The following CD38 variants were observed in gnomAD, a reference collection of about 807,000 sequenced individuals.
CD38 encodes ADP-ribosyl cyclase/cyclic ADP-ribose hydrolase 1.
Under a neutral mutation model 36.3 loss-of-function variants are expected in CD38, and 31 were observed. The ratio of observed to expected loss-of-function variants is 0.85; its 90% CI spans 0.64 to 1.15. The LOEUF (loss-of-function observed/expected upper bound fraction) is 1.15. Among genes scored for constraint, CD38 ranks in the 50% most tolerant of loss-of-function variants. CD38 has a pLI of 0.00. For synonymous variants in CD38, 131 were observed against 135.2 expected (o/e 0.97, Z 0.22); for missense variants, 380 against 371.9 (o/e 1.02, Z -0.18).
chr4:15,822,725 G>A (rs2148923922), intron 2 of CD38, among the ~76,000 whole-genome samples: 1 of 152,288 alleles, frequency 6.6e-6, no homozygotes, highest in East Asian at 1.9e-4. Flanking sequence ...TCATGGATAG[G>A]AAGAATCAAT....
intron 1 of CD38, among the ~76,000 whole-genome samples, chr4:15,811,448 A>G (rs755962386): frequency 1.5e-4 from 23 of 151,948 alleles, no homozygotes; most frequent in Non-Finnish European, 3.2e-4. Flanking sequence ...ATTTTTGTAT[A>G]TGGTGTAAAG....
At chr4:15,848,459 A>AC (rs1452287403) in intron 7 of CD38, 80 bp from the exon 8 acceptor site, 9 of 1,003,466 alleles carry the variant, frequency 9.0e-6, no homozygotes, top group Non-Finnish European at 1.3e-5. Flanking sequence ...TCGCTAAAAA[A>AC]GGGGCTTCCT....
chr4:15,806,344 G>A (rs2148919734), intron 1 of CD38, among the ~76,000 whole-genome samples: 1 of 152,244 alleles, frequency 6.6e-6, no homozygotes, highest in East Asian at 1.9e-4. Context: ...CTGTGGGTAG[G>A]GCCATGGTTG....
chr4:15,812,686 C>T (rs112745376), intron 1 of CD38, among the ~76,000 whole-genome samples: 6,236 of 152,142 alleles, frequency 0.041, 310 homozygotes, highest in African/African-American at 0.12. Flanking sequence ...GGCAACAGGG[C>T]GAGATTCTGT....
At chr4:15,828,076 G>A (rs1723886672) in intron 3 of CD38, among the ~76,000 whole-genome samples, 1 of 152,150 alleles carries the variant, frequency 6.6e-6, no homozygotes, top group Non-Finnish European at 1.5e-5. Context: ...GTGCAGTGGT[G>A]CAATCACAAT....
intron 1 of CD38, among the ~76,000 whole-genome samples, chr4:15,815,363 T>C (rs1723573612): frequency 2.0e-5 from 3 of 152,246 alleles, no homozygotes; most frequent in Admixed American, 1.3e-4. Flanking sequence ...TTGGGCAATA[T>C]GGCCATTTTC....
At chr4:15,780,638 C>T (rs1407396092) in intron 1 of CD38, among the ~76,000 whole-genome samples, 1 of 151,836 alleles carries the variant, frequency 6.6e-6, no homozygotes, top group Non-Finnish European at 1.5e-5. Flanking sequence ...ACTCTGGACT[C>T]GATCATTGCC....
At chr4:15,790,427 C>G (rs1337256690) in intron 1 of CD38, among the ~76,000 whole-genome samples, 6 of 152,116 alleles carry the variant, frequency 3.9e-5, no homozygotes, top group Admixed American at 6.5e-5. Context: ...ATCCGCCGGC[C>G]TCGGCCTCCC....
rs1724363796 is a variant in CD38, at chr4:15,850,639, A to G, written c.*2037A>G. On this transcript the variant is annotated 3_prime_UTR_variant, in exon 8 of 8. Transcript: ENST00000226279. Reference sequence around the variant, plus strand: ...TTCTTCCTCCCCTGCTTGACAATCCAGTTTCCCACAGGAGCCTTTGTAGCT... The same window carrying G: ...TTCTTCCTCCCCTGCTTGACAATCCGGTTTCCCACAGGAGCCTTTGTAGCT... 6.6e-6 allele frequency: 1 copy of G among 152,232 alleles called. No individual in the cohort carries two copies. The highest frequency in any genetic ancestry group is 6.5e-5 in the Admixed American group (1 of 15,268). The allele number at this position is 152,232 out of a possible 1,614,324, so 9.4% of individuals were successfully genotyped here. A position where few individuals can be genotyped will look rare whatever the true frequency, so the allele number is the denominator to read the frequency against.
At chr4:15,812,089 T>G (rs948176601) in intron 1 of CD38, among the ~76,000 whole-genome samples, 17 of 152,320 alleles carry the variant, frequency 1.1e-4, no homozygotes, top group African/African-American at 4.1e-4. Flanking sequence ...ACTTTTTGAC[T>G]TTGTGCCTGT....
chr4:15,831,649 G>T (rs1723961042), intron 3 of CD38, among the ~76,000 whole-genome samples: 1 of 151,974 alleles, frequency 6.6e-6, no homozygotes, highest in Admixed American at 6.6e-5. Context: ...AAAGTCTGCT[G>T]CCAGATGTAC....
chr4:15,786,438 G>A (rs1451668746), intron 1 of CD38, among the ~76,000 whole-genome samples: 1 of 152,168 alleles, frequency 6.6e-6, no homozygotes, highest in African/African-American at 2.4e-5. Flanking sequence ...GCTGATTGGT[G>A]TATTTACAAT....
chr4:15,817,440 C>A (rs757122550), intron 2 of CD38, among the ~76,000 whole-genome samples: 6 of 152,242 alleles, frequency 3.9e-5, no homozygotes, highest in Non-Finnish European at 8.8e-5. Context: ...CTTCTCCATT[C>A]ACTAGGCGTG....
rs1013005456 is a variant in CD38, at chr4:15,849,743, G to A, written c.*1141G>A. 6.6e-6 allele frequency: 1 copy of A among 152,048 alleles called. No individual in the cohort carries two copies. The highest frequency in any genetic ancestry group is 2.4e-5 in the African/African-American group (1 of 41,388). The allele number at this position is 152,048 out of a possible 1,614,324, so 9.4% of individuals were successfully genotyped here. On this transcript the variant is annotated 3_prime_UTR_variant, in exon 8 of 8. Coordinates refer to ENST00000226279, the MANE Select transcript of CD38 (RefSeq NM_001775.4). ...GGTTTTGCTCTTCTCTTTAGCATTG[G>A]AAACATAGAAATGCTTTCTGATTTC...
At chr4:15,787,044 C>A (rs1158076779) in intron 1 of CD38, among the ~76,000 whole-genome samples, 1 of 152,218 alleles carries the variant, frequency 6.6e-6, no homozygotes, top group East Asian at 1.9e-4. Flanking sequence ...GCCTGGGGAG[C>A]CCACGCCCAC....
At chr4:15,810,751 C>G (rs2148920803) in intron 1 of CD38, among the ~76,000 whole-genome samples, 1 of 152,362 alleles carries the variant, frequency 6.6e-6, no homozygotes, top group Middle Eastern at 3.4e-3. Context: ...CTGTTGAACT[C>G]TTCACATTTT....
intron 1 of CD38, among the ~76,000 whole-genome samples, chr4:15,814,408 G>A (rs6449200): frequency 0.18 from 28,097 of 152,038 alleles, 3,526 homozygotes; most frequent in African/African-American, 0.36. Context: ...CACTCTGATG[G>A]TAGTTTCTTT....
rs1449690676 is a variant in CD38, at chr4:15,847,567, A to C, written c.840-972A>C. Among the ~76,000 whole-genome samples, 7 of 117,942 alleles carry C rather than the reference A, an allele frequency of 5.9e-5. No individual in the cohort carries two copies. In the East Asian group the frequency reaches 1.3e-3, roughly 21 times the overall value. 77.4% of individuals were successfully genotyped at this position (117,942 alleles called of 152,430 possible). On this transcript the variant is annotated intron_variant, in intron 7 of 7. Transcript: ENST00000226279. ...TAAAACTTAGAGTATAATAAAAAAA[A>C]TAAAAAATAAAAAACAACTCTCAGA...
intron 1 of CD38, among the ~76,000 whole-genome samples, chr4:15,798,104 C>A (rs1034210923): frequency 1.3e-5 from 2 of 152,248 alleles, no homozygotes; most frequent in African/African-American, 4.8e-5. Context: ...CTGTGTTGCC[C>A]AGGCTGGTCT....
Sources: allele counts gnomAD v4.1 joint callset (sites outside exome capture counted in the v4.1 genomes callset), GRCh38; gene constraint gnomAD v4.1.1; transcripts MANE v1.5; gene names NCBI Gene and HGNC (gene_info 2026-07-23, HGNC 2026-07-21).